Variants in DYM observed in about 807,000 individuals in gnomAD.
DYM encodes the protein dymeclin.
DYM carries 78 observed loss-of-function variants against 93.1 expected under a neutral mutation model. The observed-to-expected ratio is 0.84, with a 90% CI of 0.70 to 1.01. The LOEUF is 1.01. Among genes scored for constraint, DYM ranks in the 50% least tolerant of loss-of-function variants. The pLI is 0.00. For missense variants in DYM, 789 were observed against 845.0 expected (o/e 0.93, Z 0.82); for synonymous variants, 321 against 319.7 (o/e 1.00, Z -0.04).
chr18:49,120,042 G>T (rs1390569351), intron 15 of DYM, among the ~76,000 whole-genome samples: 1 of 135,612 alleles, frequency 7.4e-6, no homozygotes, highest in Non-Finnish European at 1.5e-5. Flanking sequence ...TTGCTCCACT[G>T]CATTCCAGCC....
At chr18:49,318,678 C>A (rs1240268187) in intron 8 of DYM, among the ~76,000 whole-genome samples, 2 of 151,578 alleles carry the variant, frequency 1.3e-5, no homozygotes, top group Non-Finnish European at 2.9e-5. Flanking sequence ...AAGGGTCCCA[C>A]AATTTTTTAT....
At chr18:49,153,252 T>A (rs544173074) in intron 15 of DYM, among the ~76,000 whole-genome samples, 2 of 152,186 alleles carry the variant, frequency 1.3e-5, no homozygotes, top group African/African-American at 4.8e-5. Flanking sequence ...TTATTATGAC[T>A]CATAAACCTG....
chr18:49,211,339 A>C (rs913952595), intron 13 of DYM, among the ~76,000 whole-genome samples: 1 of 152,238 alleles, frequency 6.6e-6, no homozygotes, highest in Non-Finnish European at 1.5e-5. Flanking sequence ...GCCACATTTC[A>C]GGCCATTTAA....
At chr18:49,316,236 C>G (rs1008130850) in intron 8 of DYM, among the ~76,000 whole-genome samples, 7 of 152,054 alleles carry the variant, frequency 4.6e-5, no homozygotes, top group Non-Finnish European at 7.4e-5. Flanking sequence ...GAGCCAAGAT[C>G]GCGCCATTAT....
rs557825964 is a variant in DYM, at chr18:49,099,706, C to A, written c.1912-2191G>T. Among the ~76,000 whole-genome samples, 8 of 152,264 alleles carry A rather than the reference C, an allele frequency of 5.3e-5. No individual in the cohort carries two copies. In the East Asian group the frequency reaches 1.5e-3, roughly 29 times the overall value. ...CAGATTACTAATCACAGCAATTTCA[C>A]ATGACCATCAGCAAGCACAGTATTC... On this transcript the variant is annotated intron_variant, in intron 16 of 17. Coordinates refer to ENST00000675505, the MANE Select transcript of DYM (RefSeq NM_001353214.3).
intron 7 of DYM, among the ~76,000 whole-genome samples, chr18:49,333,000 A>G (rs2063417800): frequency 6.6e-6 from 1 of 152,222 alleles, no homozygotes; most frequent in South Asian, 2.1e-4. Context: ...TGATTTTCAA[A>G]TATGTTCAAA....
At chr18:49,105,384 G>A (rs1222561512) in intron 16 of DYM, among the ~76,000 whole-genome samples, 5 of 152,074 alleles carry the variant, frequency 3.3e-5, no homozygotes, top group Non-Finnish European at 7.4e-5. Flanking sequence ...ATTTTTTGAA[G>A]GGTTTTTTGT....
intron 2 of DYM, among the ~76,000 whole-genome samples, chr18:49,408,851 T>C (rs1179021096): frequency 2.6e-5 from 4 of 152,218 alleles, no homozygotes; most frequent in Non-Finnish European, 5.9e-5. Flanking sequence ...CACATAAATA[T>C]TGTACAGAGT....
intron 6 of DYM, among the ~76,000 whole-genome samples, chr18:49,362,640 T>C (rs910683517): frequency 2.0e-5 from 3 of 152,168 alleles, no homozygotes; most frequent in African/African-American, 7.2e-5. Flanking sequence ...CAAAAAGATG[T>C]GCCTCCTAGC....
In DYM at chr18:49,140,590, T is replaced by C. The variant is rs533086154; in HGVS notation, c.1729-21664A>G. Among the ~76,000 whole-genome samples the C allele has an allele frequency of 3.9e-4, 59 of 152,342 alleles. 2 individuals carry two copies. In the South Asian group the frequency reaches 0.012, roughly 32 times the overall value. On this transcript the variant is annotated intron_variant, in intron 15 of 17. Coordinates refer to ENST00000675505, the MANE Select transcript of DYM (RefSeq NM_001353214.3). ...TTAAAAAGTCAAGACATTTAGCAAC[T>C]ATAAGGTTTATTATGAGCTGTTATT...
intron 8 of DYM, among the ~76,000 whole-genome samples, chr18:49,292,121 G>A (rs1385866966): frequency 1.3e-5 from 2 of 152,068 alleles, no homozygotes; most frequent in East Asian, 3.9e-4. Context: ...ATTGCTAGTA[G>A]AAATGAGTTG....
In DYM at chr18:49,292,357, C is replaced by G. The variant is rs1568187867; in HGVS notation, c.764-5741G>C. 1.7e-4 allele frequency among the ~76,000 whole-genome samples: 9 copies of G among 54,218 alleles called. No homozygotes were observed. In the East Asian group the frequency reaches 2.2e-3, roughly 13 times the overall value. 35.6% of individuals were successfully genotyped at this position (54,218 alleles called of 152,430 possible). A position where few individuals can be genotyped will look rare whatever the true frequency, so the allele number is the denominator to read the frequency against. On this transcript the variant is annotated intron_variant, in intron 8 of 17. Transcript: ENST00000675505. ...GCAGGCAGACAGACAGACAGACAGA[C>G]ACACACACACACACACACACACACA...
chr18:49,274,795 G>A (rs1167255673), intron 10 of DYM, among the ~76,000 whole-genome samples: 2 of 152,060 alleles, frequency 1.3e-5, no homozygotes, highest in Non-Finnish European at 1.5e-5. Flanking sequence ...TTGCAGAAAT[G>A]TTTACTCAGA....
In DYM at chr18:49,364,051, G is replaced by A. The variant is rs911045925; in HGVS notation, c.422-818C>T. 3.3e-5 allele frequency among the ~76,000 whole-genome samples: 5 copies of A among 152,024 alleles called. No homozygotes were observed. The East Asian group carries it at 7.7e-4, about 23-fold the overall frequency. On this transcript the variant is annotated intron_variant, in intron 5 of 17. Coordinates refer to ENST00000675505, the MANE Select transcript of DYM (RefSeq NM_001353214.3). ...CCCAGTGTCTGCTTCCTCAAAATAC[G>A]TTTCAACTATTGGCATGTTCCCCAG...
chr18:49,204,263 G>A (rs2092351899), intron 14 of DYM, among the ~76,000 whole-genome samples: 2 of 152,176 alleles, frequency 1.3e-5, no homozygotes, highest in African/African-American at 4.8e-5. Context: ...CTCAATGTGT[G>A]TTAGAAAATA....
chr18:49,261,110 T>A (rs906227376), intron 11 of DYM, among the ~76,000 whole-genome samples: 4 of 152,132 alleles, frequency 2.6e-5, no homozygotes, highest in African/African-American at 9.7e-5. Flanking sequence ...ATATTAGGAA[T>A]GAGAAGGGAG....
intron 16 of DYM, among the ~76,000 whole-genome samples, chr18:49,117,419 A>C (rs1487407918): frequency 6.6e-6 from 1 of 152,222 alleles, no homozygotes; most frequent in Non-Finnish European, 1.5e-5. Flanking sequence ...TTAATTGTGT[A>C]GATTCCAGAG....
At chr18:49,102,125 A>G (rs1662143310) in intron 16 of DYM, among the ~76,000 whole-genome samples, 1 of 152,218 alleles carries the variant, frequency 6.6e-6, no homozygotes, top group African/African-American at 2.4e-5. Flanking sequence ...CAATAATGAT[A>G]ATGTGGCAAC....
At chr18:49,265,906 T>C (rs899057022) in intron 11 of DYM, among the ~76,000 whole-genome samples, 5 of 152,022 alleles carry the variant, frequency 3.3e-5, no homozygotes, top group African/African-American at 1.2e-4. Flanking sequence ...AAAGGGCTGA[T>C]GGTAGACAAC....
Sources: allele counts gnomAD v4.1 joint callset (sites outside exome capture counted in the v4.1 genomes callset), GRCh38; gene constraint gnomAD v4.1.1; transcripts MANE v1.5; gene names NCBI Gene and HGNC (gene_info 2026-07-23, HGNC 2026-07-21).